KCNH8: variants seen among roughly 807,000 people sequenced by gnomAD.
KCNH8 encodes potassium voltage-gated channel subfamily H member 8.
A neutral mutation model predicts 103.6 loss-of-function variants in KCNH8; 70 were observed. The observed-to-expected ratio is 0.68, with a 90% CI of 0.56 to 0.82. KCNH8 has a LOEUF of 0.82. Among genes scored for constraint, KCNH8 ranks in the 40% least tolerant of loss-of-function variants. The pLI is 0.00. For synonymous variants in KCNH8, 498 were observed against 489.4 expected (o/e 1.02, Z -0.23); for missense variants, 1,217 against 1,329.9 (o/e 0.92, Z 1.32).
intron 2 of KCNH8, among the ~76,000 whole-genome samples, chr3:19,262,636 T>C (rs2064452385): frequency 6.6e-6 from 1 of 152,012 alleles, no homozygotes; most frequent in East Asian, 1.9e-4. Context: ...TGCCCACCCA[T>C]TTAATAAATG....
intron 6 of KCNH8, among the ~76,000 whole-genome samples, 174 bp downstream of exon 6, chr3:19,390,812 C>G (rs1335985482): frequency 1.3e-5 from 2 of 152,230 alleles, no homozygotes; most frequent in East Asian, 1.9e-4. Flanking sequence ...AAGTTACTTC[C>G]TTTTGACATT....
intron 1 of KCNH8, among the ~76,000 whole-genome samples, chr3:19,180,238 CA>C (rs1258200052): frequency 3.9e-4 from 3 of 7,608 alleles, no homozygotes; most frequent in African/African-American, 1.1e-3. Flanking sequence ...TACATTTGTT[CA>C]AAGGGCCAAG....
chr3:19,323,261 A>G (rs373322241), intron 3 of KCNH8, among the ~76,000 whole-genome samples: 2 of 152,060 alleles, frequency 1.3e-5, no homozygotes, highest in East Asian at 1.9e-4. Context: ...CATCCTGGCT[A>G]ACACAGTGAA....
chr3:19,513,086 A>G lies in KCNH8; in HGVS notation c.2196A>G (p.Thr732=). The change falls in exon 13 of 16, where the codon ACA becomes ACG. Residue 732 remains threonine (T), a synonymous_variant. Transcript: ENST00000328405. ...CAGTCTCCCTCTCTCCCATCTGCAC[A>G]AGGGGATCTTCTTCGCGCAACAAGA... ...EEAVSLSPIC[T]RGSSSRNKKV... is the part of the protein sequence containing the mutation. 1 of 1,613,870 alleles carries G rather than the reference A, an allele frequency of 6.2e-7. No individual in the cohort carries two copies. The highest frequency in any genetic ancestry group is 8.5e-7 in the Non-Finnish European group (1 of 1,179,928).
At chr3:19,376,920 A>G (rs919150402) in intron 5 of KCNH8, among the ~76,000 whole-genome samples, 1 of 152,224 alleles carries the variant, frequency 6.6e-6, no homozygotes, top group African/African-American at 2.4e-5. Flanking sequence ...GAAGACATAA[A>G]AAGGTCATTC....
intron 2 of KCNH8, among the ~76,000 whole-genome samples, chr3:19,266,215 CTT>C (rs2125262634): frequency 6.6e-6 from 1 of 152,228 alleles, no homozygotes; most frequent in East Asian, 1.9e-4. Flanking sequence ...CCTACAATCT[CTT>C]TAAACTCATC....
intron 5 of KCNH8, among the ~76,000 whole-genome samples, chr3:19,353,685 C>A (rs1446213158): frequency 6.6e-6 from 1 of 152,066 alleles, no homozygotes; most frequent in East Asian, 1.9e-4. Context: ...ATTCAGCAGC[C>A]CTCCATGCTA....
chr3:19,512,139 A>C (rs776195632), intron 12 of KCNH8, among the ~76,000 whole-genome samples: 4 of 152,196 alleles, frequency 2.6e-5, no homozygotes, highest in Admixed American at 6.5e-5. Context: ...TCTGGGGCAA[A>C]GCCAGAAGCA....
intron 3 of KCNH8, among the ~76,000 whole-genome samples, chr3:19,297,971 C>T (rs1167023914): frequency 6.6e-6 from 1 of 152,136 alleles, no homozygotes; most frequent in Non-Finnish European, 1.5e-5. Context: ...AAAAGTGTGG[C>T]GTGTCTTTTG....
intron 6 of KCNH8, among the ~76,000 whole-genome samples, chr3:19,391,505 A>G (rs999915313): frequency 2.6e-5 from 4 of 152,084 alleles, no homozygotes; most frequent in Non-Finnish European, 4.4e-5. Flanking sequence ...CTTTATAGAA[A>G]TCATATTCTC....
chr3:19,517,587 C>T (rs934556243), intron 14 of KCNH8, among the ~76,000 whole-genome samples: 3 of 151,984 alleles, frequency 2.0e-5, no homozygotes, highest in Admixed American at 2.0e-4. Flanking sequence ...AAAATATGCT[C>T]ATGGGCACAT....
intron 9 of KCNH8, 94 bp downstream of exon 9, chr3:19,450,399 A>G (rs2067429637): frequency 1.1e-6 from 1 of 931,920 alleles, no homozygotes; most frequent in Admixed American, 1.8e-5. Context: ...AGTGAAAAGC[A>G]TACCAACTTC....
intron 5 of KCNH8, among the ~76,000 whole-genome samples, chr3:19,358,952 A>T (rs189818884): frequency 1.1e-3 from 171 of 152,078 alleles, no homozygotes; most frequent in Non-Finnish European, 3.1e-4. Flanking sequence ...TTACTAATCC[A>T]CAAGGAAAAG....
chr3:19,511,561 A>C (rs958869889), intron 12 of KCNH8, among the ~76,000 whole-genome samples: 1 of 152,158 alleles, frequency 6.6e-6, no homozygotes, highest in African/African-American at 2.4e-5. Context: ...TGATTTTTCT[A>C]TCCAACGATG....
chr3:19,409,472 C>T (rs1184002443), intron 7 of KCNH8, among the ~76,000 whole-genome samples: 2 of 152,004 alleles, frequency 1.3e-5, no homozygotes, highest in African/African-American at 4.8e-5. Context: ...AATTACACAG[C>T]GAACAGCTAA....
chr3:19,489,464 C>A (rs1351949669), intron 11 of KCNH8, among the ~76,000 whole-genome samples: 1 of 152,136 alleles, frequency 6.6e-6, no homozygotes, highest in South Asian at 2.1e-4. Context: ...GGGAATTGAT[C>A]TGGGTGCCCT....
At chr3:19,341,319 A>C in intron 3 of KCNH8, among the ~76,000 whole-genome samples, 1 of 152,068 alleles carries the variant, frequency 6.6e-6, no homozygotes, top group East Asian at 1.9e-4. Flanking sequence ...GGTGTTTTCT[A>C]TCTATCAGGA....
intron 1 of KCNH8, among the ~76,000 whole-genome samples, chr3:19,251,221 T>G (rs536955768): frequency 1.3e-4 from 20 of 152,204 alleles, no homozygotes; most frequent in Admixed American, 2.6e-4. Flanking sequence ...TCTAATGAAC[T>G]TTTTGCATCC....
intron 1 of KCNH8, among the ~76,000 whole-genome samples, chr3:19,163,650 A>C (rs1230626484): frequency 6.6e-6 from 1 of 152,180 alleles, no homozygotes; most frequent in Non-Finnish European, 1.5e-5. Flanking sequence ...GTTAATACAC[A>C]GTTGACTCTT....
Sources: allele counts gnomAD v4.1 joint callset (sites outside exome capture counted in the v4.1 genomes callset), GRCh38; gene constraint gnomAD v4.1.1; transcripts MANE v1.5; gene names NCBI Gene and HGNC (gene_info 2026-07-23, HGNC 2026-07-21).